The following HS6ST3 variants were observed in gnomAD, a reference collection of about 807,000 sequenced individuals.
HS6ST3 encodes heparan sulfate 6-O-sulfotransferase 3, also known as heparan-sulfate 6-O-sulfotransferase 3.
In HS6ST3, 12 loss-of-function variants were observed where a neutral mutation model predicts 36.7. The observed-to-expected ratio is 0.33, with a 90% CI of 0.21 to 0.53. The LOEUF (loss-of-function observed/expected upper bound fraction) is 0.53. HS6ST3 is among the 20% of genes least tolerant of loss of function. The probability of loss-of-function intolerance (pLI) is 0.95; values close to 1 mark genes in which losing one functional copy is unlikely to be tolerated. For missense variants in HS6ST3, 584 were observed against 640.9 expected, an observed-to-expected ratio of 0.91 and a Z score of 0.96; for synonymous variants, 240 against 257.5, an observed-to-expected ratio of 0.93 and a Z score of 0.65.
chr13:96,806,158 T>C (rs996131716), intron 1 of HS6ST3, among the ~76,000 whole-genome samples: 4 of 152,194 alleles, frequency 2.6e-5, no homozygotes. Context: ...TGGTGGAAAC[T>C]AACCAGGACA....
Position 96,307,118 on chromosome 13 carries a change from T to G in HS6ST3, c.707+215549T>G, listed in dbSNP as rs114691992. Among the ~76,000 whole-genome samples the G allele has an allele frequency of 5.1e-3, 768 of 151,600 alleles. 9 individuals carry two copies. Among genetic ancestry groups the G allele is most frequent in the African/African-American group, 0.018 (725 of 40,896 alleles). ...TGTGCCATTAAATTTCTGTTGGTCTTCTACATTCAGTTAGTCTAGGAAGTC... is the reference window on the plus strand; with the variant it reads ...TGTGCCATTAAATTTCTGTTGGTCTGCTACATTCAGTTAGTCTAGGAAGTC... On this transcript the variant is annotated intron_variant, in intron 1 of 1. Coordinates refer to ENST00000376705, the MANE Select transcript of HS6ST3 (RefSeq NM_153456.4).
intron 1 of HS6ST3, among the ~76,000 whole-genome samples, chr13:96,614,790 ATTTC>A (rs2056468520): frequency 6.6e-6 from 1 of 152,180 alleles, no homozygotes; most frequent in Non-Finnish European, 1.5e-5. Context: ...GTTTTGTTTA[ATTTC>A]TTTCTGTTAG....
At chr13:96,111,755 G>A (rs1300028343) in intron 1 of HS6ST3, among the ~76,000 whole-genome samples, 1 of 152,136 alleles carries the variant, frequency 6.6e-6, no homozygotes, top group Non-Finnish European at 1.5e-5. Context: ...CTCATTCACT[G>A]TAGTGACAAA....
intron 1 of HS6ST3, among the ~76,000 whole-genome samples, chr13:96,227,392 G>A (rs2054486054): frequency 6.6e-6 from 1 of 152,174 alleles, no homozygotes; most frequent in Admixed American, 6.5e-5. Flanking sequence ...TATGGCCACG[G>A]TCAGACAAGT....
At chr13:96,406,864 C>T (rs2055481256) in intron 1 of HS6ST3, among the ~76,000 whole-genome samples, 1 of 151,696 alleles carries the variant, frequency 6.6e-6, no homozygotes, top group Non-Finnish European at 1.5e-5. Flanking sequence ...AGGAAGTCCC[C>T]TGTGTTCTCT....
intron 1 of HS6ST3, among the ~76,000 whole-genome samples, chr13:96,466,058 A>G (rs1388296053): frequency 6.6e-6 from 1 of 152,042 alleles, no homozygotes; most frequent in Non-Finnish European, 1.5e-5. Flanking sequence ...TGAGGCGGGC[A>G]GATCATGAGG....
At chr13:96,258,947 A>C (rs1469620781) in intron 1 of HS6ST3, among the ~76,000 whole-genome samples, 1 of 152,108 alleles carries the variant, frequency 6.6e-6, no homozygotes, top group African/African-American at 2.4e-5. Flanking sequence ...CAAATGAGGA[A>C]GTGTCTCACT....
intron 1 of HS6ST3, among the ~76,000 whole-genome samples, chr13:96,578,451 T>A (rs1365632861): frequency 6.6e-6 from 1 of 152,204 alleles, no homozygotes; most frequent in Non-Finnish European, 1.5e-5. Flanking sequence ...GCCCACTACC[T>A]GCAGTGTGAG....
intron 1 of HS6ST3, among the ~76,000 whole-genome samples, chr13:96,732,439 C>T (rs375734296): frequency 4.0e-5 from 6 of 151,422 alleles, no homozygotes; most frequent in Admixed American, 1.3e-4. Context: ...GTTTTTTCCC[C>T]GTTGTGCGTT....
chr13:96,556,392 T>A (rs1230852506), intron 1 of HS6ST3, among the ~76,000 whole-genome samples: 10 of 152,226 alleles, frequency 6.6e-5, no homozygotes. Context: ...TATAACTAGG[T>A]CATTTACATT....
Position 96,287,991 on chromosome 13 carries a change from A to G in HS6ST3, c.707+196422A>G, listed in dbSNP as rs190870513. On this transcript the variant is annotated intron_variant, in intron 1 of 1. Coordinates refer to ENST00000376705, the MANE Select transcript of HS6ST3 (RefSeq NM_153456.4). ...GCAAGTTTGAAGCTTTGTATGCTGT[A>G]TAGCAGTGAGTCTCAAAATGTAGTT... is the stretch of plus-strand genomic sequence containing the variant. Among the ~76,000 whole-genome samples, 8 of 152,298 alleles carry G rather than the reference A, an allele frequency of 5.3e-5. No individual in the cohort carries two copies. In the East Asian group the frequency reaches 1.5e-3, roughly 29 times the overall value.
At chr13:96,210,041 T>A (rs1425630266) in intron 1 of HS6ST3, among the ~76,000 whole-genome samples, 1 of 152,202 alleles carries the variant, frequency 6.6e-6, no homozygotes, top group Admixed American at 6.5e-5. Context: ...AGATGCTCAG[T>A]GAATTATTAT....
At chr13:96,282,636 A>T (rs1222628695) in intron 1 of HS6ST3, among the ~76,000 whole-genome samples, 2 of 152,202 alleles carry the variant, frequency 1.3e-5, no homozygotes, top group Non-Finnish European at 2.9e-5. Flanking sequence ...TACAATATTT[A>T]GTTTCTTCTC....
In HS6ST3 at chr13:96,090,293, C is replaced by T. The variant is rs1405340136; in HGVS notation, c.-570C>T. 6.7e-6 allele frequency among the ~76,000 whole-genome samples: 1 copy of T among 150,274 alleles called. No homozygotes were observed. Among genetic ancestry groups the T allele is most frequent in the Non-Finnish European group, 1.5e-5 (1 of 67,484 alleles). ...AAACTTGCGGCGAGCGCCGTCAGCC[C>T]TCGCGGCTCCACAGCCCCGCGACCT... On this transcript the variant is annotated 5_prime_UTR_variant, in exon 1 of 2. Coordinates refer to ENST00000376705, the MANE Select transcript of HS6ST3 (RefSeq NM_153456.4).
intron 1 of HS6ST3, among the ~76,000 whole-genome samples, chr13:96,180,133 C>T (rs557389585): frequency 1.3e-5 from 2 of 152,254 alleles, no homozygotes; most frequent in South Asian, 4.1e-4. Context: ...CCGCACCCAG[C>T]CTGTGTTTCC....
At chr13:96,821,496 T>C (rs1878534233) in intron 1 of HS6ST3, among the ~76,000 whole-genome samples, 1 of 152,252 alleles carries the variant, frequency 6.6e-6, no homozygotes, top group Non-Finnish European at 1.5e-5. Flanking sequence ...AGTACGTGAC[T>C]CAAAGGGTTG....
intron 1 of HS6ST3, among the ~76,000 whole-genome samples, chr13:96,646,463 T>C (rs1410745731): frequency 1.3e-5 from 2 of 152,000 alleles, no homozygotes; most frequent in Non-Finnish European, 2.9e-5. Flanking sequence ...CACCAGGATA[T>C]AATTACTATA....
intron 1 of HS6ST3, among the ~76,000 whole-genome samples, chr13:96,268,753 C>T (rs1444739154): frequency 6.6e-6 from 1 of 151,788 alleles, no homozygotes; most frequent in African/African-American, 2.4e-5. Context: ...TTAATTATAC[C>T]ATTTATATTT....
intron 1 of HS6ST3, among the ~76,000 whole-genome samples, chr13:96,155,580 A>G (rs1364533085): frequency 1.9e-5 from 1 of 51,368 alleles, no homozygotes; most frequent in African/African-American, 6.1e-5. Context: ...CCTTTAAAAA[A>G]GGTTAAGGAT....
Sources: allele counts gnomAD v4.1 joint callset (sites outside exome capture counted in the v4.1 genomes callset), GRCh38; gene constraint gnomAD v4.1.1; transcripts MANE v1.5; gene names NCBI Gene and HGNC (gene_info 2026-07-23, HGNC 2026-07-21).